The following TLN2 variants were observed in gnomAD, a reference collection of about 807,000 sequenced individuals.
TLN2 encodes talin 2, also known as talin-2.
In TLN2, 118 loss-of-function variants were observed where a neutral mutation model predicts 294.7. The ratio of observed to expected loss-of-function variants is 0.40; its 90% CI spans 0.34 to 0.47. TLN2 has a LOEUF of 0.47. Ranked by LOEUF, TLN2 falls within the 20% of genes least tolerant of loss-of-function variation. The pLI is 0.84. For missense variants in TLN2, 3,083 were observed against 3,282.2 expected (o/e 0.94, Z 1.48); for synonymous variants, 1,431 against 1,304.5 (o/e 1.10, Z -2.09).
chr15:62,399,234 CAG>C (rs2032807283), intron 1 of TLN2, among the ~76,000 whole-genome samples: 1 of 112,226 alleles, frequency 8.9e-6, no homozygotes, highest in East Asian at 3.0e-4. Flanking sequence ...GCCTGGGTGA[CAG>C]AGCGAGACTC....
intron 2 of TLN2, among the ~76,000 whole-genome samples, chr15:62,607,263 A>G (rs2047532274): frequency 6.6e-6 from 1 of 152,158 alleles, no homozygotes; most frequent in Non-Finnish European, 1.5e-5. Context: ...CACAGAAGTC[A>G]TGGTAGCTTT....
At chr15:62,820,836 C>T (rs1333016792) in intron 54 of TLN2, among the ~76,000 whole-genome samples, 1 of 152,092 alleles carries the variant, frequency 6.6e-6, no homozygotes, top group East Asian at 1.9e-4. Context: ...TCTGAGTATC[C>T]AAAGGAAGAA....
At chr15:62,750,076 A>G (rs1243329459) in intron 33 of TLN2, among the ~76,000 whole-genome samples, 1 of 152,208 alleles carries the variant, frequency 6.6e-6, no homozygotes, top group South Asian at 2.1e-4. Context: ...TTGACCACGC[A>G]TGTATTGCCT....
intron 11 of TLN2, chr15:62,683,104 C>A (rs888169839): frequency 1.3e-5 from 2 of 152,286 alleles, no homozygotes; most frequent in African/African-American, 4.8e-5. Context: ...TGCAAACCAG[C>A]CCTTTGGCCA....
At chr15:62,470,186 G>T (rs2140359772) in intron 1 of TLN2, among the ~76,000 whole-genome samples, 2 of 152,242 alleles carry the variant, frequency 1.3e-5, no homozygotes, top group Middle Eastern at 3.4e-3. Flanking sequence ...AATTCTGAGG[G>T]CTCACTTATA....
intron 34 of TLN2, among the ~76,000 whole-genome samples, 160 bp downstream of exon 34, chr15:62,750,651 A>T (rs2061883480): frequency 6.6e-6 from 1 of 152,144 alleles, no homozygotes; most frequent in Admixed American, 6.5e-5. Context: ...GAGCTTCTCA[A>T]ACTTGACGGT....
At chr15:62,440,898 A>C (rs1360030825) in intron 1 of TLN2, among the ~76,000 whole-genome samples, 1 of 152,204 alleles carries the variant, frequency 6.6e-6, no homozygotes, top group African/African-American at 2.4e-5. Context: ...ACTGCTCTGA[A>C]GGAAGCAGTC....
At chr15:62,539,980 T>C (rs1184605213) in intron 1 of TLN2, among the ~76,000 whole-genome samples, 1 of 151,218 alleles carries the variant, frequency 6.6e-6, no homozygotes, top group Non-Finnish European at 1.5e-5. Context: ...TGCATGTAAA[T>C]ACTTACACTA....
At chr15:62,675,096 A>G (rs1016295953) in intron 10 of TLN2, 121 bp from the exon 11 acceptor site, 19 of 876,756 alleles carry the variant, frequency 2.2e-5, no homozygotes, top group Non-Finnish European at 3.4e-5. Flanking sequence ...TCTCAGACAC[A>G]ACCATCACTT....
intron 1 of TLN2, among the ~76,000 whole-genome samples, chr15:62,535,610 C>G (rs1002428186): frequency 1.3e-5 from 2 of 149,494 alleles, no homozygotes; most frequent in Non-Finnish European, 3.0e-5. Flanking sequence ...GGCCAGAGTG[C>G]AGTGGCACAA....
chr15:62,635,945 G>A (rs1318849284), intron 3 of TLN2, among the ~76,000 whole-genome samples: 2 of 152,010 alleles, frequency 1.3e-5, no homozygotes, highest in African/African-American at 4.8e-5. Flanking sequence ...CAGATCCGTG[G>A]CCTTGGTCGA....
intron 32 of TLN2, among the ~76,000 whole-genome samples, chr15:62,745,126 A>T (rs570469537): frequency 2.0e-5 from 3 of 152,220 alleles, no homozygotes; most frequent in African/African-American, 7.2e-5. Context: ...AACTGAACCT[A>T]TTCAGCATCT....
chr15:62,838,543 T>C (rs2070102592), intron 57 of TLN2, among the ~76,000 whole-genome samples: 1 of 152,238 alleles, frequency 6.6e-6, no homozygotes, highest in East Asian at 1.9e-4. Context: ...ATGCCTCTGT[T>C]AACACACACA....
intron 1 of TLN2, among the ~76,000 whole-genome samples, chr15:62,418,274 C>G (rs1260830618): frequency 2.6e-5 from 4 of 152,182 alleles, no homozygotes; most frequent in Non-Finnish European, 5.9e-5. Flanking sequence ...GCCTGGTACA[C>G]TCCCACTCAT....
At chr15:62,794,111 G>A (rs2065280796) in intron 46 of TLN2, among the ~76,000 whole-genome samples, 1 of 152,178 alleles carries the variant, frequency 6.6e-6, no homozygotes, top group Admixed American at 6.5e-5. Flanking sequence ...ACCAGGAAGG[G>A]AGGAGAGGGG....
intron 1 of TLN2, among the ~76,000 whole-genome samples, chr15:62,443,612 T>A (rs144493609): frequency 1.5e-4 from 23 of 152,284 alleles, no homozygotes; most frequent in African/African-American, 5.5e-4. Flanking sequence ...TGGAAAGAGA[T>A]TAGATGAGAG....
At chr15:62,491,639 T>C (rs1011666969) in intron 1 of TLN2, among the ~76,000 whole-genome samples, 2 of 152,202 alleles carry the variant, frequency 1.3e-5, no homozygotes, top group African/African-American at 4.8e-5. Context: ...AGCTTTTTTT[T>C]CTTAGTAGCT....
At chr15:62,552,863 G>A (rs1199889052) in intron 1 of TLN2, among the ~76,000 whole-genome samples, 1 of 152,212 alleles carries the variant, frequency 6.6e-6, no homozygotes, top group East Asian at 1.9e-4. Context: ...CCTAGGAGCA[G>A]AGGTTCAGTA....
intron 12 of TLN2, among the ~76,000 whole-genome samples, chr15:62,690,920 A>G (rs563832751): frequency 1.3e-5 from 2 of 151,298 alleles, no homozygotes; most frequent in African/African-American, 2.4e-5. Flanking sequence ...AGGCTGAGGC[A>G]GGAGAATCAG....
Sources: gnomAD v4.1 joint callset for allele counts (sites outside exome capture counted in the v4.1 genomes callset) on GRCh38, gnomAD v4.1.1 for gene constraint, MANE v1.5 for transcripts, NCBI Gene and HGNC (gene_info 2026-07-23, HGNC 2026-07-21) for gene names.